Variants in PCDH9 observed in about 807,000 individuals in gnomAD.
PCDH9 encodes the protein protocadherin 9.
A neutral mutation model predicts 70.6 loss-of-function variants in PCDH9; 24 were observed. That is an observed-to-expected ratio of 0.34 (90% CI 0.25 to 0.48). The LOEUF (loss-of-function observed/expected upper bound fraction) is 0.48. Ranked by LOEUF, PCDH9 falls within the 20% of genes least tolerant of loss-of-function variation. PCDH9 has a pLI of 0.99. For synonymous variants in PCDH9, 562 were observed against 558.5 expected, an observed-to-expected ratio of 1.01 and a Z score of -0.09; for missense variants, 1,281 against 1,503.6, an observed-to-expected ratio of 0.85 and a Z score of 2.45.
chr13:66,912,803 G>C (rs960400598), intron 2 of PCDH9, among the ~76,000 whole-genome samples: 1 of 151,744 alleles, frequency 6.6e-6, no homozygotes, highest in African/African-American at 2.4e-5. Context: ...CTGGATTTTA[G>C]GGCAAAATCT....
intron 4 of PCDH9, among the ~76,000 whole-genome samples, chr13:66,429,931 T>G (rs1957741365): frequency 6.6e-6 from 1 of 151,970 alleles, no homozygotes; most frequent in Admixed American, 6.6e-5. Flanking sequence ...CCTTTATCGA[T>G]CTTCCTCTTT....
intron 2 of PCDH9, among the ~76,000 whole-genome samples, chr13:67,130,427 G>T (rs1312304140): frequency 6.6e-6 from 1 of 151,706 alleles, no homozygotes; most frequent in Non-Finnish European, 1.5e-5. Flanking sequence ...AAACTTAATA[G>T]ATCTAAAATC....
rs1195668541 is a variant in PCDH9, at chr13:67,160,543, T to C, written c.3036+64862A>G. Among the ~76,000 whole-genome samples the C allele has an allele frequency of 2.0e-5, 3 of 148,558 alleles. No individual in the cohort carries two copies. The South Asian group carries it at 6.4e-4, about 32-fold the overall frequency. On this transcript the variant is annotated intron_variant, in intron 2 of 4. Coordinates refer to ENST00000377865, the MANE Select transcript of PCDH9 (RefSeq NM_203487.3). ...GCCTGGGTGACAGAGCGAGACTCCG[T>C]CTCAAAAAAAAAAAGTGATATACTC...
intron 2 of PCDH9, chr13:67,221,292 TACATA>T (rs1168809118): frequency 1.5e-4 from 23 of 152,118 alleles, no homozygotes; most frequent in Admixed American, 1.5e-3. Context: ...TTCCGCATTT[TACATA>T]ACATAATAAC....
intron 4 of PCDH9, among the ~76,000 whole-genome samples, chr13:66,416,845 G>T (rs1425926580): frequency 6.6e-6 from 1 of 152,144 alleles, no homozygotes; most frequent in African/African-American, 2.4e-5. Flanking sequence ...GTTAGAAGAA[G>T]TTATTAGGAG....
At chr13:67,137,331 T>C (rs113163619) in intron 2 of PCDH9, among the ~76,000 whole-genome samples, 1 of 152,102 alleles carries the variant, frequency 6.6e-6, no homozygotes, top group South Asian at 2.1e-4. Context: ...TTAAATCATA[T>C]CGTTTGTATG....
In PCDH9 at chr13:66,944,019, CTT is replaced by C. The variant is rs557629104; in HGVS notation, c.3037-40416_3037-40415del. The stretch of plus-strand genomic sequence containing the variant: ...AATAATAATGTTTATATGTCTATAA[CTT>C]AACACTATTGTGAGAATCAAATGAA... On this transcript the variant is annotated intron_variant, in intron 2 of 4. Coordinates refer to ENST00000377865, the MANE Select transcript of PCDH9 (RefSeq NM_203487.3). 1.8e-4 allele frequency among the ~76,000 whole-genome samples: 27 copies of C among 151,186 alleles called. No homozygotes were observed. In the East Asian group the frequency reaches 4.6e-3, roughly 26 times the overall value.
chr13:66,926,585 A>G (rs187110742), intron 2 of PCDH9, among the ~76,000 whole-genome samples: 3 of 152,218 alleles, frequency 2.0e-5, no homozygotes, highest in African/African-American at 7.2e-5. Context: ...TAACATGGGC[A>G]TGAGCAGTCT....
intron 4 of PCDH9, among the ~76,000 whole-genome samples, chr13:66,334,670 A>C (rs1956005025): frequency 6.6e-6 from 1 of 151,812 alleles, no homozygotes; most frequent in Non-Finnish European, 1.5e-5. Context: ...TTTACTACTA[A>C]AAAAAAAGTT....
At chr13:66,591,492 CAAA>C (rs1352387981) in intron 4 of PCDH9, among the ~76,000 whole-genome samples, 1 of 148,534 alleles carries the variant, frequency 6.7e-6, no homozygotes, top group Non-Finnish European at 1.5e-5. Context: ...AAGCTAAGAG[CAAA>C]AATCTCACTT....
At chr13:66,459,148 G>A (rs1172607821) in intron 4 of PCDH9, among the ~76,000 whole-genome samples, 1 of 151,972 alleles carries the variant, frequency 6.6e-6, no homozygotes, top group Non-Finnish European at 1.5e-5. Context: ...GGGTCCTGAT[G>A]TTTCAGGTGT....
Position 66,831,527 on chromosome 13 carries a change from A to G in PCDH9, c.3138+71977T>C, listed in dbSNP as rs529274873. On this transcript the variant is annotated intron_variant, in intron 3 of 4. Coordinates refer to ENST00000377865, the MANE Select transcript of PCDH9 (RefSeq NM_203487.3). ...AGTGAGTCAGGAAGATGACACCGAC[A>G]CAAACAGAAATAAAACCTGGATGTC... 2.0e-5 allele frequency among the ~76,000 whole-genome samples: 3 copies of G among 152,208 alleles called. No individual in the cohort carries two copies. The South Asian group carries it at 6.2e-4, about 31-fold the overall frequency.
In PCDH9 at chr13:66,646,054, G is replaced by T. The variant is rs149848631; in HGVS notation, c.3139-14643C>A. 3.6e-3 allele frequency among the ~76,000 whole-genome samples: 543 copies of T among 152,252 alleles called. 1 individual carries two copies. Among genetic ancestry groups the T allele is most frequent in the African/African-American group, 0.013 (520 of 41,538 alleles). On this transcript the variant is annotated intron_variant, in intron 3 of 4. Coordinates refer to ENST00000377865, the MANE Select transcript of PCDH9 (RefSeq NM_203487.3). ...ACTCTACAAAAGCCGCCTCTTGTCAGCTTTGTTTGAATTCCTGTGTGGAAC... is the reference window on the plus strand; with the variant it reads ...ACTCTACAAAAGCCGCCTCTTGTCATCTTTGTTTGAATTCCTGTGTGGAAC...
chr13:66,648,607 T>A (rs2077805358), intron 3 of PCDH9, among the ~76,000 whole-genome samples: 3 of 151,932 alleles, frequency 2.0e-5, no homozygotes, highest in African/African-American at 2.4e-5. Flanking sequence ...CAAGGATGGG[T>A]ACACAAAAGC....
rs531376969 is a variant in PCDH9, at chr13:67,012,815, G to C, written c.3037-109210C>G. Among the ~76,000 whole-genome samples the C allele has an allele frequency of 2.0e-5, 3 of 151,996 alleles. No homozygotes were observed. The East Asian group carries it at 5.8e-4, about 29-fold the overall frequency. On this transcript the variant is annotated intron_variant, in intron 2 of 4. Transcript: ENST00000377865. ...AACGATTAAAGAGTCACACTGTAGC[G>C]AAAATTCCGAAGTGTTACTATATTA... is the stretch of plus-strand genomic sequence containing the variant.
intron 2 of PCDH9, chr13:66,915,078 G>A (rs1007948654): frequency 4.0e-5 from 6 of 151,608 alleles, no homozygotes; most frequent in South Asian, 2.1e-4. Context: ...TGATATGGAG[G>A]TGGGGGGCAA....
chr13:67,072,849 T>C (rs1367616811), intron 2 of PCDH9, among the ~76,000 whole-genome samples: 1 of 152,172 alleles, frequency 6.6e-6, no homozygotes, highest in East Asian at 1.9e-4. Context: ...CAGATATATG[T>C]ATTACATTAG....
At chr13:66,585,357 T>TCC (rs200913646) in intron 4 of PCDH9, among the ~76,000 whole-genome samples, 1 of 151,682 alleles carries the variant, frequency 6.6e-6, no homozygotes, top group African/African-American at 2.4e-5. Context: ...ACCTTTACCA[T>TCC]CCCCCCCAAA....
chr13:67,026,163 A>G (rs979550883), intron 2 of PCDH9, among the ~76,000 whole-genome samples: 1 of 152,114 alleles, frequency 6.6e-6, no homozygotes, highest in Non-Finnish European at 1.5e-5. Flanking sequence ...ATTTGCGTAT[A>G]TTGAACCAGC....
Sources: gnomAD v4.1 joint callset for allele counts (sites outside exome capture counted in the v4.1 genomes callset) on GRCh38, gnomAD v4.1.1 for gene constraint, MANE v1.5 for transcripts, NCBI Gene and HGNC (gene_info 2026-07-23, HGNC 2026-07-21) for gene names.